Variants in OLFM3 observed in about 807,000 individuals in gnomAD.
OLFM3 encodes olfactomedin 3.
Under a neutral mutation model 48.6 loss-of-function variants are expected in OLFM3, and 20 were observed. The ratio of observed to expected loss-of-function variants is 0.41; its 90% confidence interval spans 0.29 to 0.60. The LOEUF is 0.60. Ranked by LOEUF, OLFM3 falls within the 20% of genes least tolerant of loss-of-function variation. The probability of loss-of-function intolerance (pLI) is 0.28; values close to 1 mark genes in which losing one functional copy is unlikely to be tolerated. For missense variants in OLFM3, 437 were observed against 544.3 expected, an observed-to-expected ratio of 0.80 and a Z score of 1.96; for synonymous variants, 222 against 198.1, an observed-to-expected ratio of 1.12 and a Z score of -1.01.
chr1:101,926,014 G>A (rs1019774053), intron 1 of OLFM3, among the ~76,000 whole-genome samples: 3 of 152,142 alleles, frequency 2.0e-5, no homozygotes, highest in African/African-American at 7.2e-5. Flanking sequence ...ATGCAGAGAA[G>A]TGAGATGGGA....
intron 1 of OLFM3, among the ~76,000 whole-genome samples, chr1:101,883,870 TTAAGAG>T (rs1657634588): frequency 6.6e-6 from 1 of 151,686 alleles, no homozygotes; most frequent in South Asian, 2.1e-4. Flanking sequence ...ATAAGAAACA[TTAAGAG>T]TAAAGGACAA....
chr1:101,925,515 T>G (rs560598635), intron 1 of OLFM3, among the ~76,000 whole-genome samples: 127 of 152,010 alleles, frequency 8.4e-4, no homozygotes, highest in Non-Finnish European at 1.6e-3. Context: ...TTTTAATTTT[T>G]TATTTAATTA....
intron 1 of OLFM3, among the ~76,000 whole-genome samples, chr1:101,941,259 C>A (rs1386529709): frequency 6.6e-6 from 1 of 151,956 alleles, no homozygotes; most frequent in Non-Finnish European, 1.5e-5. Flanking sequence ...CAGGCAAGGC[C>A]CAAATTGCAG....
rs1346506559 is a variant in OLFM3, at chr1:101,878,807, T to A, written c.70-41782A>T. On this transcript the variant is annotated intron_variant, in intron 1 of 5. Coordinates refer to ENST00000370103, the MANE Select transcript of OLFM3 (RefSeq NM_058170.4). Reference sequence around the variant, plus strand: ...CTTGAAAACTAATGAAGAATTAGCCTTGGTACAAATTTGCGCAGTTCAGAT... The same window carrying A: ...CTTGAAAACTAATGAAGAATTAGCCATGGTACAAATTTGCGCAGTTCAGAT... Among the ~76,000 whole-genome samples the A allele has an allele frequency of 5.3e-5, 8 of 151,934 alleles. No homozygotes were observed. The South Asian group carries it at 1.5e-3, about 28-fold the overall frequency.
At chr1:101,826,257 G>C (rs1654861432) in intron 3 of OLFM3, among the ~76,000 whole-genome samples, 1 of 151,760 alleles carries the variant, frequency 6.6e-6, no homozygotes, top group African/African-American at 2.4e-5. Context: ...TGGGTTTCTA[G>C]ACATGTCACC....
chr1:101,811,720 C>T (rs1011970359), intron 4 of OLFM3, among the ~76,000 whole-genome samples: 4 of 152,056 alleles, frequency 2.6e-5, no homozygotes, highest in South Asian at 2.1e-4. Context: ...GAAATAGGAA[C>T]ATTTTACACT....
At chr1:101,815,293 A>G (rs1187566534) in intron 4 of OLFM3, among the ~76,000 whole-genome samples, 1 of 151,980 alleles carries the variant, frequency 6.6e-6, no homozygotes, top group Non-Finnish European at 1.5e-5. Flanking sequence ...AAAAATACAA[A>G]AAAAATAGCC....
At chr1:101,853,779 C>T (rs1370236625) in intron 1 of OLFM3, among the ~76,000 whole-genome samples, 1 of 152,006 alleles carries the variant, frequency 6.6e-6, no homozygotes, top group African/African-American at 2.4e-5. Flanking sequence ...TTTATGTGTG[C>T]ATGATGGACC....
At chr1:101,982,107 T>A (rs1368707248) in intron 1 of OLFM3, among the ~76,000 whole-genome samples, 1 of 152,186 alleles carries the variant, frequency 6.6e-6, no homozygotes, top group East Asian at 1.9e-4. Context: ...AGTAGAAGAT[T>A]CTTTATTTGG....
intron 2 of OLFM3, 70 bp from the exon 3 acceptor site, chr1:101,830,897 A>T: frequency 2.8e-6 from 4 of 1,409,324 alleles, no homozygotes; most frequent in Non-Finnish European, 2.9e-6. Context: ...AAGAAATAGC[A>T]AAAATGCCGT....
intron 1 of OLFM3, among the ~76,000 whole-genome samples, chr1:101,844,887 C>A (rs11164310): frequency 0.14 from 21,576 of 152,022 alleles, 3,282 homozygotes; most frequent in East Asian, 0.61. Context: ...TCCTTTCCAC[C>A]TTTCTAGCAT....
chr1:101,828,465 A>T (rs1654994434), intron 3 of OLFM3, among the ~76,000 whole-genome samples: 1 of 152,222 alleles, frequency 6.6e-6, no homozygotes, highest in South Asian at 2.1e-4. Flanking sequence ...TGAACTAGGA[A>T]AATCCAAGCC....
chr1:101,834,932 C>A (rs926061284), intron 2 of OLFM3, among the ~76,000 whole-genome samples: 1 of 152,154 alleles, frequency 6.6e-6, no homozygotes, highest in African/African-American at 2.4e-5. Context: ...CTATGAAATA[C>A]ATTTTACTTT....
At chr1:101,968,755 C>T (rs1304877277) in intron 1 of OLFM3, among the ~76,000 whole-genome samples, 1 of 152,136 alleles carries the variant, frequency 6.6e-6, no homozygotes, top group Non-Finnish European at 1.5e-5. Context: ...GAATGTTATA[C>T]GATTTAACAA....
At chr1:101,954,933 A>C (rs1274874729) in intron 1 of OLFM3, among the ~76,000 whole-genome samples, 1 of 152,022 alleles carries the variant, frequency 6.6e-6, no homozygotes, top group Non-Finnish European at 1.5e-5. Flanking sequence ...AAGTGTATGG[A>C]TATGTGTAAC....
chr1:101,866,610 T>C (rs1049154426), intron 1 of OLFM3, among the ~76,000 whole-genome samples: 8 of 152,116 alleles, frequency 5.3e-5, no homozygotes, highest in Non-Finnish European at 1.0e-4. Flanking sequence ...GAAAATTAAA[T>C]AACATTTAAT....
At chr1:101,853,998 TGCCTTTGGCTA>T (rs1451247257) in intron 1 of OLFM3, among the ~76,000 whole-genome samples, 1 of 152,058 alleles carries the variant, frequency 6.6e-6, no homozygotes, top group Non-Finnish European at 1.5e-5. Context: ...TTCTTCTTCT[TGCCTTTGGCTA>T]GCCAAATTTT....
chr1:101,966,782 A>T (rs1660622351), intron 1 of OLFM3, among the ~76,000 whole-genome samples: 1 of 152,084 alleles, frequency 6.6e-6, no homozygotes, highest in Non-Finnish European at 1.5e-5. Context: ...TAATACACTG[A>T]TATGGTCTTT....
At position 101,955,387 on chromosome 1, in the gene OLFM3, T is replaced by C. The variant is rs148947563; in HGVS notation, c.69+41361A>G. On this transcript the variant is annotated intron_variant, in intron 1 of 5. Transcript: ENST00000370103. ...GTAAAAGTAAGAATTTAATGAATTG[T>C]CAAGCCTACTTGACATCTTTAACCT... 3.3e-3 allele frequency among the ~76,000 whole-genome samples: 508 copies of C among 152,120 alleles called. 4 individuals carry two copies. Among genetic ancestry groups the C allele is most frequent in the Middle Eastern group, 0.01 (3 of 294 alleles).
Sources: allele counts gnomAD v4.1 joint callset (sites outside exome capture counted in the v4.1 genomes callset), GRCh38; gene constraint gnomAD v4.1.1; transcripts MANE v1.5; gene names NCBI Gene and HGNC (gene_info 2026-07-23, HGNC 2026-07-21).